The following ADGRL2 variants were observed in gnomAD, a reference collection of about 807,000 sequenced individuals.
ADGRL2 encodes adhesion G protein-coupled receptor L2, also known as calcium-independent alpha-latrotoxin receptor 2.
ADGRL2 carries 44 observed loss-of-function variants against 157.4 expected under a neutral mutation model. That is an observed-to-expected ratio of 0.28 (90% CI 0.22 to 0.36). The LOEUF (loss-of-function observed/expected upper bound fraction) is 0.36. ADGRL2 is among the 10% of genes least tolerant of loss of function. ADGRL2 has a pLI of 1.00. For synonymous variants in ADGRL2, 585 were observed against 624.7 expected (o/e 0.94, Z 0.95); for missense variants, 1,510 against 1,768.9 (o/e 0.85, Z 2.63).
intron 3 of ADGRL2, among the ~76,000 whole-genome samples, chr1:81,658,502 A>T (rs1292343529): frequency 6.6e-6 from 1 of 152,160 alleles, no homozygotes; most frequent in East Asian, 1.9e-4. Flanking sequence ...GGCTTTAGGC[A>T]TACCCATCAC....
At chr1:81,522,441 A>C (rs964240797) in intron 2 of ADGRL2, among the ~76,000 whole-genome samples, 1 of 152,200 alleles carries the variant, frequency 6.6e-6, no homozygotes, top group Non-Finnish European at 1.5e-5. Context: ...GAACATTATA[A>C]ATATAACATG....
chr1:81,706,653 C>T (rs2083747979), intron 1 of ADGRL2, among the ~76,000 whole-genome samples: 1 of 152,096 alleles, frequency 6.6e-6, no homozygotes, highest in South Asian at 2.1e-4. Flanking sequence ...TTTTAGATCA[C>T]ATACACATAG....
rs59025604 is a variant in ADGRL2 at position 81,451,162 on chromosome 1, T to A, written c.-248+6073T>A. On this transcript the variant is annotated intron_variant, in intron 2 of 24. Transcript: ENST00000370721. ...TTGATCATACCTTTTTTCTTGTTTC[T>A]CAAATCTTTATTGTACTCAGCTTCT... Among the ~76,000 whole-genome samples the A allele has an allele frequency of 6.4e-3, 978 of 152,098 alleles. 12 individuals carry two copies. The highest frequency in any genetic ancestry group is 0.022 in the African/African-American group (926 of 41,558).
At chr1:81,428,739 C>A (rs918027911) in intron 1 of ADGRL2, among the ~76,000 whole-genome samples, 7 of 152,054 alleles carry the variant, frequency 4.6e-5, no homozygotes, top group Admixed American at 2.0e-4. Context: ...TTTTTCTGCT[C>A]TGTTTGATGA....
At chr1:81,437,362 T>G (rs1229492618) in intron 1 of ADGRL2, among the ~76,000 whole-genome samples, 1 of 152,086 alleles carries the variant, frequency 6.6e-6, no homozygotes. Flanking sequence ...ATGTCCTAAG[T>G]AGTGTCAGTC....
intron 9 of ADGRL2, among the ~76,000 whole-genome samples, 186 bp from the exon 10 acceptor site, chr1:81,952,801 C>T (rs1206719139): frequency 6.6e-6 from 1 of 151,814 alleles, no homozygotes; most frequent in African/African-American, 2.4e-5. Flanking sequence ...TAGTATACTT[C>T]ATAAAATAGA....
At position 81,639,140 on chromosome 1, in the gene ADGRL2, G is replaced by A. The variant is rs530882983; in HGVS notation, c.-143+58160G>A. 3.3e-5 allele frequency among the ~76,000 whole-genome samples: 5 copies of A among 152,308 alleles called. No individual in the cohort carries two copies. In the South Asian group the frequency reaches 6.2e-4, roughly 19 times the overall value. On this transcript the variant is annotated intron_variant, in intron 3 of 24. Coordinates refer to the ADGRL2 transcript ENST00000370721. ...GCTGGAGTGCAGTGGTGCCATCTCA[G>A]CTCACTTCAACCTCCGCCTCCCAGG...
At chr1:81,450,484 A>G (rs919891349) in intron 2 of ADGRL2, among the ~76,000 whole-genome samples, 1 of 152,150 alleles carries the variant, frequency 6.6e-6, no homozygotes, top group African/African-American at 2.4e-5. Context: ...GATGAAATTA[A>G]CAAGAAGCAA....
chr1:81,876,237 G>T (rs2151112769), intron 2 of ADGRL2, among the ~76,000 whole-genome samples: 1 of 152,110 alleles, frequency 6.6e-6, no homozygotes, highest in East Asian at 1.9e-4. Context: ...TTTATTATAT[G>T]CTTTGAATGT....
intron 2 of ADGRL2, among the ~76,000 whole-genome samples, chr1:81,550,067 A>G (rs7544613): frequency 0.59 from 89,647 of 151,934 alleles, 27,295 homozygotes; most frequent in East Asian, 0.67. Context: ...AATGTTTGAA[A>G]CTCCTGCCAT....
At chr1:81,373,908 G>A (rs1029094035) in intron 1 of ADGRL2, among the ~76,000 whole-genome samples, 2 of 152,152 alleles carry the variant, frequency 1.3e-5, no homozygotes, top group Non-Finnish European at 1.5e-5. Context: ...ATGAACTGAA[G>A]CAAAGATTAC....
rs529711318 is a variant in ADGRL2 at position 81,943,435 on chromosome 1, T to C, written c.876T>C (p.Ile292=). The part of the protein sequence containing the change: ...ATEQNNGMIV[I]SQLNPYTLRF... ...AACAGAACAATGGAATGATAGTTAT[T>C]AGCCAGCTGAATCCATACACTCTTC... The change falls in exon 6 of 24, where the codon ATT becomes ATC. Residue 292 remains isoleucine (I), a synonymous_variant. Coordinates refer to ENST00000686636, the MANE Select transcript of ADGRL2 (RefSeq NM_001366006.2). This position sits in a 1 kb window ranked among gnomAD's most constrained non-coding sequence, Gnocchi z 5.6. 1 of 1,613,740 alleles carries C rather than the reference T, an allele frequency of 6.2e-7. No individual in the cohort carries two copies. Among genetic ancestry groups the C allele is most frequent in the African/African-American group, 1.3e-5 (1 of 75,008 alleles).
intron 2 of ADGRL2, among the ~76,000 whole-genome samples, chr1:81,795,176 CA>C (rs1248711438): frequency 1.3e-5 from 2 of 151,990 alleles, no homozygotes; most frequent in East Asian, 3.9e-4. Flanking sequence ...CTGAGGCGTT[CA>C]AGACCAGCCT....
At chr1:81,774,628 T>G (rs994496325) in intron 2 of ADGRL2, among the ~76,000 whole-genome samples, 2 of 152,222 alleles carry the variant, frequency 1.3e-5, no homozygotes, top group African/African-American at 2.4e-5. Context: ...ATCTTTTTAT[T>G]AATAATCATG....
At chr1:81,506,813 A>T (rs1327125206) in intron 2 of ADGRL2, among the ~76,000 whole-genome samples, 1 of 152,234 alleles carries the variant, frequency 6.6e-6, no homozygotes, top group Non-Finnish European at 1.5e-5. Flanking sequence ...GCAACAAAAA[A>T]GATTGCTGAA....
chr1:81,673,388 C>A (rs1482102040), intron 3 of ADGRL2, among the ~76,000 whole-genome samples: 1 of 151,922 alleles, frequency 6.6e-6, no homozygotes, highest in Non-Finnish European at 1.5e-5. Flanking sequence ...TATTGTCTCA[C>A]TTTTCTATGG....
chr1:81,889,821 C>G (rs1267454068), intron 2 of ADGRL2, among the ~76,000 whole-genome samples: 1 of 152,122 alleles, frequency 6.6e-6, no homozygotes, highest in Admixed American at 6.5e-5. Flanking sequence ...TAAGTTGAAG[C>G]TAATATTCAT....
chr1:81,705,852 A>C (rs572452652), intron 1 of ADGRL2, among the ~76,000 whole-genome samples: 72 of 152,054 alleles, frequency 4.7e-4, no homozygotes, highest in African/African-American at 1.7e-3. Context: ...ATTGCAGTGA[A>C]CTGTGATCAT....
intron 1 of ADGRL2, among the ~76,000 whole-genome samples, chr1:81,336,595 CAA>C (rs1661658260): frequency 6.6e-6 from 1 of 152,094 alleles, no homozygotes; most frequent in Non-Finnish European, 1.5e-5. Context: ...TGTCAGTGCA[CAA>C]AGTTTCTAGT....
Sources: allele counts gnomAD v4.1 joint callset (sites outside exome capture counted in the v4.1 genomes callset), GRCh38; gene constraint gnomAD v4.1.1; non-coding constraint Gnocchi (gnomAD v3.1); transcripts MANE v1.5; gene names NCBI Gene and HGNC (gene_info 2026-07-23, HGNC 2026-07-21).